Variants in PTPN1 observed in about 807,000 individuals in gnomAD.
PTPN1 encodes the protein tyrosine-protein phosphatase non-receptor type 1.
A neutral mutation model predicts 59.9 loss-of-function variants in PTPN1; 12 were observed. That is an observed-to-expected ratio of 0.20 (90% CI 0.13 to 0.32). PTPN1 has a LOEUF of 0.32. Ranked by LOEUF, PTPN1 falls within the 10% of genes least tolerant of loss-of-function variation. The pLI is 1.00. For missense variants in PTPN1, 356 were observed against 549.2 expected, an observed-to-expected ratio of 0.65 and a Z score of 3.52; for synonymous variants, 178 against 203.6, an observed-to-expected ratio of 0.87 and a Z score of 1.07.
At position 50,583,873 on chromosome 20, in the gene PTPN1, G is replaced by A. The variant is rs1041614390; in HGVS notation, c.*1158G>A. Reference sequence around the variant, plus strand: ...GGACACCCCCCGCCCCCCACCTTTGGGATCAGCCTCCGCCATTCCAAGTCA... The same window carrying A: ...GGACACCCCCCGCCCCCCACCTTTGAGATCAGCCTCCGCCATTCCAAGTCA... On this transcript the variant is annotated 3_prime_UTR_variant, in exon 10 of 10. Coordinates refer to ENST00000371621, the MANE Select transcript of PTPN1 (RefSeq NM_002827.4). 3.3e-5 allele frequency: 5 copies of A among 152,910 alleles called. No homozygotes were observed. Among genetic ancestry groups the A allele is most frequent in the African/African-American group, 4.8e-5 (2 of 41,440 alleles). The allele number at this position is 152,910 out of a possible 1,614,324, so 9.5% of individuals were successfully genotyped here.
At chr20:50,574,756 T>C (rs1042115709) in intron 5 of PTPN1, 102 bp downstream of exon 5, 2 of 1,412,436 alleles carry the variant, frequency 1.4e-6, no homozygotes, top group Non-Finnish European at 1.9e-6. Flanking sequence ...TTCCTGGCTT[T>C]TGTATACCCC....
intron 1 of PTPN1, among the ~76,000 whole-genome samples, chr20:50,558,400 A>C (rs1210402584): frequency 6.6e-6 from 1 of 152,268 alleles, no homozygotes; most frequent in Non-Finnish European, 1.5e-5. Flanking sequence ...TATTTAAAAT[A>C]CTTGAGATAT....
intron 2 of PTPN1, among the ~76,000 whole-genome samples, chr20:50,564,536 G>A (rs2082769705): frequency 6.6e-6 from 1 of 152,170 alleles, no homozygotes; most frequent in South Asian, 2.1e-4. Flanking sequence ...GGAGGCTGCA[G>A]TGAGCTGAGA....
intron 1 of PTPN1, among the ~76,000 whole-genome samples, chr20:50,558,212 C>G (rs1194402176): frequency 1.3e-5 from 2 of 152,090 alleles, no homozygotes; most frequent in Non-Finnish European, 2.9e-5. Flanking sequence ...TATAGCCTTA[C>G]AGAATGATTT....
At position 50,582,149 on chromosome 20, in the gene PTPN1, C is replaced by T. The variant is rs569910248; in HGVS notation, c.1285-543C>T. Among the ~76,000 whole-genome samples, 2 of 152,364 alleles carry T rather than the reference C, an allele frequency of 1.3e-5. No homozygotes were observed. The highest frequency in any genetic ancestry group is 2.4e-5 in the African/African-American group (1 of 41,586). Reference sequence around the variant, plus strand: ...GGTGTCCCCGCTGGGTTTCCATTGTCCTTTCTCCATTGCTCCCTCCTGTGA... The same window carrying T: ...GGTGTCCCCGCTGGGTTTCCATTGTTCTTTCTCCATTGCTCCCTCCTGTGA... On this transcript the variant is annotated intron_variant, in intron 9 of 9. Transcript: ENST00000371621. This position sits in a 1 kb window ranked among gnomAD's most constrained non-coding sequence, Gnocchi z 4.2.
At chr20:50,560,725 TG>T (rs568728472) in intron 1 of PTPN1, among the ~76,000 whole-genome samples, 129 of 152,256 alleles carry the variant, frequency 8.5e-4, no homozygotes, top group African/African-American at 2.9e-3. Flanking sequence ...TGTGTGTATT[TG>T]TTTTTTTAGT....
In PTPN1 at chr20:50,569,782, TCTGTGTAGACCATC is replaced by T. The variant is rs144281588; in HGVS notation, c.354+1320_354+1333del. The stretch of plus-strand genomic sequence containing the variant: ...TCTGTAGACCGTCCTGTGTAGATTG[TCTGTGTAGACCATC>T]CTGTGTAGACCATCCCATTTAGACC... On this transcript the variant is annotated intron_variant, in intron 4 of 9. Transcript: ENST00000371621. Among the ~76,000 whole-genome samples, 1,178 of 151,102 alleles carry T rather than the reference TCTGTGTAGACCATC, an allele frequency of 7.8e-3. 33 individuals carry two copies. The highest frequency in any genetic ancestry group is 0.077 in the East Asian group (393 of 5,088).
intron 1 of PTPN1, among the ~76,000 whole-genome samples, chr20:50,522,847 G>A (rs1201909633): frequency 2.0e-5 from 3 of 152,026 alleles, no homozygotes; most frequent in Non-Finnish European, 2.9e-5. Flanking sequence ...TCCGCCTCCC[G>A]AGTTCAAGTG....
intron 1 of PTPN1, among the ~76,000 whole-genome samples, chr20:50,513,268 CT>C (rs1045224507): frequency 5.9e-5 from 9 of 152,166 alleles, no homozygotes. Context: ...ATATAGATGG[CT>C]TTAAACATTG....
At chr20:50,554,382 C>G (rs201813743) in intron 1 of PTPN1, among the ~76,000 whole-genome samples, 3 of 38,092 alleles carry the variant, frequency 7.9e-5, no homozygotes, top group Non-Finnish European at 1.3e-4. Context: ...AAGACCACAT[C>G]TCTCTCTCTC....
chr20:50,551,952 TC>T (rs368465563), intron 1 of PTPN1, among the ~76,000 whole-genome samples: 2 of 152,380 alleles, frequency 1.3e-5, no homozygotes, highest in African/African-American at 2.4e-5. Context: ...TTTTACACAT[TC>T]AGTAGATTAG....
At position 50,524,569 on chromosome 20, in the gene PTPN1, C is replaced by CTTTTTTTTTTTTTTTTTTTTTTTT. The variant is rs764474360; in HGVS notation, c.63+13981_63+14004dup. Among the ~76,000 whole-genome samples, 41 of 45,790 alleles carry CTTTTTTTTTTTTTTTTTTTTTTTT rather than the reference C, an allele frequency of 9.0e-4. 12 individuals are homozygous for CTTTTTTTTTTTTTTTTTTTTTTTT. The highest frequency in any genetic ancestry group is 1.1e-3 in the African/African-American group (10 of 8,780). 30.0% of individuals were successfully genotyped at this position (45,790 alleles called of 152,430 possible). A position where few individuals can be genotyped will look rare whatever the true frequency, so the allele number is the denominator to read the frequency against. ...TGGCTGGTTTATCCCATTATGTGGT[C>CTTTTTTTTTTTTTTTTTTTTTTTT]TTTTTTTTTTTTTTTTTTTTTTTTT... On this transcript the variant is annotated intron_variant, in intron 1 of 9. Coordinates refer to ENST00000371621, the MANE Select transcript of PTPN1 (RefSeq NM_002827.4).
In PTPN1 at chr20:50,510,403, A is replaced by C. The variant is rs925202735; in HGVS notation, c.-125A>C. On this transcript the variant is annotated 5_prime_UTR_variant, in exon 1 of 10. Transcript: ENST00000371621. ...TTGACATGAAGAAGCAGCAGCGGCT[A>C]GGGCGGCGGTAGCTGCAGGGGTCGG... is the stretch of plus-strand genomic sequence containing the variant. 1 of 1,007,212 alleles carries C rather than the reference A, an allele frequency of 9.9e-7. No homozygotes were observed. Among genetic ancestry groups the C allele is most frequent in the African/African-American group, 1.7e-5 (1 of 58,980 alleles). The allele number at this position is 1,007,212 out of a possible 1,614,324, so 62.4% of individuals were successfully genotyped here.
intron 2 of PTPN1, among the ~76,000 whole-genome samples, chr20:50,562,294 A>G (rs1363792528): frequency 6.6e-6 from 1 of 152,180 alleles, no homozygotes; most frequent in Non-Finnish European, 1.5e-5. Flanking sequence ...TCCTGTGCCC[A>G]TGGCTGGGAG....
At chr20:50,559,736 C>T (rs930510188) in intron 1 of PTPN1, among the ~76,000 whole-genome samples, 5 of 151,746 alleles carry the variant, frequency 3.3e-5, no homozygotes, top group Admixed American at 2.0e-4. Context: ...TTTTAAGTTT[C>T]GAGAGACATC....
At chr20:50,516,566 A>G (rs1473087155) in intron 1 of PTPN1, among the ~76,000 whole-genome samples, 2 of 152,218 alleles carry the variant, frequency 1.3e-5, no homozygotes, top group Non-Finnish European at 2.9e-5. Flanking sequence ...GTTGGGTACT[A>G]TTAGGCTCAA....
At chr20:50,543,847 T>C (rs752150904) in intron 1 of PTPN1, among the ~76,000 whole-genome samples, 1 of 152,164 alleles carries the variant, frequency 6.6e-6, no homozygotes, top group Admixed American at 6.5e-5. Context: ...TTAAAAACTT[T>C]TAAACTTTTT....
rs1413052844 is a variant in PTPN1 at position 50,584,714 on chromosome 20, G to A, written c.*1999G>A. The A allele has an allele frequency of 6.6e-6, 1 of 152,010 alleles. No individual in the cohort carries two copies. The highest frequency in any genetic ancestry group is 1.5e-5 in the Non-Finnish European group (1 of 68,006). 9.4% of individuals were successfully genotyped at this position (152,010 alleles called of 1,614,324 possible). A position where few individuals can be genotyped will look rare whatever the true frequency, so the allele number is the denominator to read the frequency against. ...TTTCCAACTTGCCATATTCATGATGGGTTTGCATTTTAGCTGCAACAATAA... is the reference window on the plus strand; with the variant it reads ...TTTCCAACTTGCCATATTCATGATGAGTTTGCATTTTAGCTGCAACAATAA... On this transcript the variant is annotated 3_prime_UTR_variant, in exon 10 of 10. Coordinates refer to ENST00000371621, the MANE Select transcript of PTPN1 (RefSeq NM_002827.4).
At chr20:50,544,613 A>C (rs1172053372) in intron 1 of PTPN1, among the ~76,000 whole-genome samples, 2 of 152,208 alleles carry the variant, frequency 1.3e-5, no homozygotes, top group Non-Finnish European at 2.9e-5. Context: ...ACAAATCACT[A>C]TGTCTGGGAA....
Sources: allele counts gnomAD v4.1 joint callset (sites outside exome capture counted in the v4.1 genomes callset), GRCh38; gene constraint gnomAD v4.1.1; non-coding constraint Gnocchi (gnomAD v3.1); transcripts MANE v1.5; gene names NCBI Gene and HGNC (gene_info 2026-07-23, HGNC 2026-07-21).